The following FYN variants were observed in gnomAD, a reference collection of about 807,000 sequenced individuals.
FYN encodes tyrosine-protein kinase Fyn.
Under a neutral mutation model 70.2 loss-of-function variants are expected in FYN, and 10 were observed. The observed-to-expected ratio is 0.14, with a 90% confidence interval of 0.09 to 0.24. The LOEUF (loss-of-function observed/expected upper bound fraction) is 0.24, where lower values mean the gene tolerates loss of function less well. Among genes scored for constraint, FYN ranks in the 10% least tolerant of loss-of-function variants. The probability of loss-of-function intolerance (pLI) is 1.00; values close to 1 mark genes in which losing one functional copy is unlikely to be tolerated. For synonymous variants in FYN, 236 were observed against 248.6 expected, an observed-to-expected ratio of 0.95 and a Z score of 0.48; for missense variants, 319 against 673.1, an observed-to-expected ratio of 0.47 and a Z score of 5.82.
chr6:111,828,524 T>G (rs1772909528), intron 2 of FYN, among the ~76,000 whole-genome samples: 1 of 152,184 alleles, frequency 6.6e-6, no homozygotes, highest in Admixed American at 6.5e-5. Context: ...CACTGATGGA[T>G]GAATGCAAAC....
intron 2 of FYN, among the ~76,000 whole-genome samples, chr6:111,782,060 C>T (rs1771195352): frequency 6.6e-6 from 1 of 152,206 alleles, no homozygotes; most frequent in African/African-American, 2.4e-5. Flanking sequence ...CCAACTTCAT[C>T]GGCCCCCTGA....
At chr6:111,829,100 A>C (rs542253152) in intron 2 of FYN, among the ~76,000 whole-genome samples, 1 of 152,354 alleles carries the variant, frequency 6.6e-6, no homozygotes, top group South Asian at 2.1e-4. Context: ...TTACGAAATG[A>C]GCTACTAAAT....
At chr6:111,787,478 T>C (rs894527310) in intron 2 of FYN, among the ~76,000 whole-genome samples, 1 of 152,202 alleles carries the variant, frequency 6.6e-6, no homozygotes, top group Admixed American at 6.5e-5. Context: ...CCTTGTAGTA[T>C]AGTTTGAAGT....
intron 12 of FYN, among the ~76,000 whole-genome samples, chr6:111,692,582 T>C (rs2128432796): frequency 6.6e-6 from 1 of 152,278 alleles, no homozygotes; most frequent in East Asian, 1.9e-4. Flanking sequence ...CTGGCAACCT[T>C]TTCATTTACC....
At chr6:111,750,736 T>TC (rs34935393) in intron 3 of FYN, among the ~76,000 whole-genome samples, 1 of 150,862 alleles carries the variant, frequency 6.6e-6, no homozygotes, top group African/African-American at 2.5e-5. Context: ...TTTTTTTTTT[T>TC]ACTAACATTG....
chr6:111,737,332 G>A (rs1801751943), intron 3 of FYN, among the ~76,000 whole-genome samples: 1 of 152,156 alleles, frequency 6.6e-6, no homozygotes, highest in Non-Finnish European at 1.5e-5. Flanking sequence ...CCCCACTTAA[G>A]ACATGAGTCA....
intron 2 of FYN, among the ~76,000 whole-genome samples, chr6:111,783,128 G>A (rs548448122): frequency 1.3e-5 from 2 of 152,282 alleles, no homozygotes; most frequent in African/African-American, 4.8e-5. Flanking sequence ...CAGGAATCCT[G>A]TGTATCTTTT....
At chr6:111,765,126 AGAG>A (rs2128496311) in intron 3 of FYN, among the ~76,000 whole-genome samples, 1 of 152,174 alleles carries the variant, frequency 6.6e-6, no homozygotes, top group East Asian at 1.9e-4. Flanking sequence ...TGCTTGTAAC[AGAG>A]GAGACCTGCA....
intron 2 of FYN, among the ~76,000 whole-genome samples, chr6:111,804,652 C>T (rs1002306207): frequency 1.3e-5 from 2 of 152,128 alleles, no homozygotes; most frequent in Admixed American, 1.3e-4. Flanking sequence ...CATAATCAGC[C>T]TCTTGGTAAC....
At chr6:111,751,078 T>C (rs917022206) in intron 3 of FYN, among the ~76,000 whole-genome samples, 1 of 152,394 alleles carries the variant, frequency 6.6e-6, no homozygotes, top group African/African-American at 2.4e-5. Flanking sequence ...ATAGTTTCTA[T>C]TGGCCTTTCC....
intron 5 of FYN, among the ~76,000 whole-genome samples, chr6:111,713,283 T>C (rs1038715713): frequency 2.0e-5 from 3 of 152,174 alleles, no homozygotes; most frequent in African/African-American, 7.2e-5. Context: ...CACTCCTCTT[T>C]CCTGGGATGT....
intron 3 of FYN, among the ~76,000 whole-genome samples, chr6:111,772,897 G>A (rs985528648): frequency 6.6e-6 from 1 of 151,748 alleles, no homozygotes; most frequent in Non-Finnish European, 1.5e-5. Context: ...GGACTGTATT[G>A]TTGAAATTTG....
intron 2 of FYN, among the ~76,000 whole-genome samples, chr6:111,810,932 T>C (rs1300318739): frequency 3.9e-5 from 6 of 152,246 alleles, no homozygotes; most frequent in Non-Finnish European, 8.8e-5. Context: ...TTTAAAAATA[T>C]TTCTACAATG....
chr6:111,712,329 G>A (rs1800420408), intron 5 of FYN, among the ~76,000 whole-genome samples: 1 of 152,146 alleles, frequency 6.6e-6, no homozygotes, highest in Non-Finnish European at 1.5e-5. Context: ...AGGGGCGGAG[G>A]ATTTCAGAAT....
At chr6:111,688,118 A>G (rs1429079125) in intron 12 of FYN, among the ~76,000 whole-genome samples, 1 of 152,226 alleles carries the variant, frequency 6.6e-6, no homozygotes, top group Admixed American at 6.5e-5. Flanking sequence ...GAATAATACC[A>G]ACAACTTCTA....
intron 3 of FYN, among the ~76,000 whole-genome samples, chr6:111,769,216 T>C (rs1803344854): frequency 6.6e-6 from 1 of 152,232 alleles, no homozygotes; most frequent in Non-Finnish European, 1.5e-5. Flanking sequence ...TACTGAAAGA[T>C]ATCAAAAAAC....
chr6:111,823,695 G>C (rs1772745556), intron 2 of FYN, among the ~76,000 whole-genome samples: 2 of 151,780 alleles, frequency 1.3e-5, no homozygotes, highest in Admixed American at 1.3e-4. Context: ...TTTAATCCAA[G>C]CTCTTGTATC....
chr6:111,714,566 T>C, intron 4 of FYN, 123 bp from the exon 5 acceptor site: 1 of 725,340 alleles, frequency 1.4e-6, no homozygotes, highest in Non-Finnish European at 2.4e-6. Context: ...AATAACATGA[T>C]GAAGTGTTGT....
At chr6:111,812,604 C>CTTTTT (rs369326017) in intron 2 of FYN, among the ~76,000 whole-genome samples, 9 of 101,284 alleles carry the variant, frequency 8.9e-5, no homozygotes, top group Admixed American at 2.1e-4. Flanking sequence ...AGAAATTTTC[C>CTTTTT]TTTTTTTTTT....
Sources: gnomAD v4.1 joint callset for allele counts (sites outside exome capture counted in the v4.1 genomes callset) on GRCh38, gnomAD v4.1.1 for gene constraint, MANE v1.5 for transcripts, NCBI Gene and HGNC (gene_info 2026-07-23, HGNC 2026-07-21) for gene names.